TRIO: variants seen among roughly 807,000 people sequenced by gnomAD.
TRIO encodes trio Rho guanine nucleotide exchange factor.
Under a neutral mutation model 351.9 loss-of-function variants are expected in TRIO, and 58 were observed. The observed-to-expected ratio is 0.16, with a 90% CI of 0.13 to 0.21. The LOEUF is 0.21. Ranked by LOEUF, TRIO falls within the 10% of genes least tolerant of loss-of-function variation. The pLI is 1.00. For missense variants in TRIO, 3,201 were observed against 4,027.8 expected (o/e 0.79, Z 5.56); for synonymous variants, 1,758 against 1,595.7 (o/e 1.10, Z -2.42).
chr5:14,471,331 G>T lies in TRIO; in HGVS notation c.5777G>T (p.Arg1926Leu). Reference protein sequence around the residue: ...LVKSKMALEDRPSSLLVDQGD... With the variant: ...LVKSKMALEDLPSSLLVDQGD... ...AATTTCTTCCAGGCACTGGAGGATC[G>T]CCCCAGCTCACTCCTTGTTGACCAG... Residue 1926 changes from arginine to leucine, a missense_variant, in exon 38 of 57, where the codon CGC (arginine) becomes CTC (leucine). Arg to Leu is a moderately radical substitution (Grantham distance 102). This residue lies in a region of TRIO where 307 missense variants were observed against 396.5 expected (regional missense o/e 0.77). Coordinates refer to ENST00000344204, the MANE Select transcript of TRIO (RefSeq NM_007118.4). 6.2e-7 allele frequency: 1 copy of T among 1,613,792 alleles called. No homozygotes were observed. The highest frequency in any genetic ancestry group is 8.5e-7 in the Non-Finnish European group (1 of 1,179,830).
At chr5:14,282,468 C>G (rs910563894) in intron 3 of TRIO, among the ~76,000 whole-genome samples, 11 of 152,080 alleles carry the variant, frequency 7.2e-5, no homozygotes, top group Admixed American at 7.2e-4. Flanking sequence ...GCTTTTTGGT[C>G]TTGAAACCTA....
chr5:14,329,840 G>T (rs371371375), intron 9 of TRIO, among the ~76,000 whole-genome samples: 1 of 152,208 alleles, frequency 6.6e-6, no homozygotes, highest in Middle Eastern at 3.4e-3. Context: ...CTGCATGATC[G>T]CCCACATATA....
At chr5:14,438,550 T>C (rs952799843) in intron 34 of TRIO, among the ~76,000 whole-genome samples, 1 of 152,238 alleles carries the variant, frequency 6.6e-6, no homozygotes, top group Non-Finnish European at 1.5e-5. Context: ...GGCCATGGTT[T>C]TGAACCAGGG....
intron 28 of TRIO, among the ~76,000 whole-genome samples, chr5:14,395,535 C>T (rs1747486725): frequency 6.6e-6 from 1 of 152,174 alleles, no homozygotes; most frequent in South Asian, 2.1e-4. Flanking sequence ...TGCCAGTTGT[C>T]AGTTAGTAGG....
intron 9 of TRIO, among the ~76,000 whole-genome samples, chr5:14,328,651 C>T (rs1196229109): frequency 6.6e-6 from 1 of 152,192 alleles, no homozygotes; most frequent in Non-Finnish European, 1.5e-5. Flanking sequence ...TGGTTATAGG[C>T]GGGGATGCCA....
intron 48 of TRIO, among the ~76,000 whole-genome samples, chr5:14,491,312 T>A (rs1045185435): frequency 1.1e-4 from 17 of 152,296 alleles, no homozygotes; most frequent in Middle Eastern, 3.4e-3. Flanking sequence ...ACAAATTGCA[T>A]CTGCACTGAC....
intron 31 of TRIO, among the ~76,000 whole-genome samples, chr5:14,403,645 G>GGTT (rs1748397466): frequency 1.5e-5 from 2 of 133,972 alleles, no homozygotes; most frequent in African/African-American, 3.0e-5. Flanking sequence ...TGAGGGTGCA[G>GGTT]GTGGTGGTGA....
At chr5:14,366,746 C>A in intron 15 of TRIO, 114 bp from the exon 16 acceptor site, 1 of 1,493,506 alleles carries the variant, frequency 6.7e-7, no homozygotes, top group Non-Finnish European at 9.0e-7. Context: ...GCATCAGTGC[C>A]TCGTACCTGC....
chr5:14,485,521 CAG>C (rs567940831), intron 47 of TRIO, among the ~76,000 whole-genome samples: 17 of 152,324 alleles, frequency 1.1e-4, no homozygotes, highest in Admixed American at 7.8e-4. Context: ...AGTCAGGACA[CAG>C]AGTGGCCATC....
intron 1 of TRIO, among the ~76,000 whole-genome samples, chr5:14,146,725 C>G (rs1787544264): frequency 6.6e-6 from 1 of 152,220 alleles, no homozygotes; most frequent in Non-Finnish European, 1.5e-5. Flanking sequence ...GACCTTGGGG[C>G]TGTTCCCCTT....
At position 14,406,591 on chromosome 5, in the gene TRIO, C is replaced by A; in HGVS notation, c.4878C>A (p.Asp1626Glu). The change falls in exon 33 of 57, where the codon GAC becomes GAA. Residue 1626 changes from aspartate to glutamate, a missense_variant. Transcript: ENST00000344204. ...CCGCCAGGGATGGAGAGGATCTGGA[C>A]AGCCAAGGAGACGGCAGCAGCCAGC... ...QKGRRDGEDL[D>E]SQGDGSSQPD... 6 of 1,614,054 alleles carry A rather than the reference C, an allele frequency of 3.7e-6. No homozygotes were observed. The highest frequency in any genetic ancestry group is 5.1e-6 in the Non-Finnish European group (6 of 1,179,972).
At chr5:14,498,298 T>G in intron 52 of TRIO, 47 bp downstream of exon 52, 1 of 1,597,346 alleles carries the variant, frequency 6.3e-7, no homozygotes. Context: ...GGGAGCACCA[T>G]CTTGTCACTT....
intron 5 of TRIO, 111 bp downstream of exon 5, chr5:14,291,339 G>C (rs781619861): frequency 7.6e-5 from 89 of 1,167,712 alleles, no homozygotes; most frequent in Non-Finnish European, 9.8e-5. Flanking sequence ...TACTCACCGT[G>C]TGTGCTCTAA....
At chr5:14,228,644 C>G (rs999997422) in intron 1 of TRIO, among the ~76,000 whole-genome samples, 1 of 152,150 alleles carries the variant, frequency 6.6e-6, no homozygotes, top group Non-Finnish European at 1.5e-5. Context: ...ATCATTTTGA[C>G]TAAGTTTTTT....
chr5:14,317,487 G>A (rs961975424), intron 9 of TRIO, among the ~76,000 whole-genome samples: 3 of 152,156 alleles, frequency 2.0e-5, no homozygotes, highest in Non-Finnish European at 4.4e-5. Flanking sequence ...GAAGTTGGCT[G>A]GGAACCGCCG....
chr5:14,205,932 A>G (rs1355623256), intron 1 of TRIO, among the ~76,000 whole-genome samples: 1 of 152,146 alleles, frequency 6.6e-6, no homozygotes, highest in African/African-American at 2.4e-5. Flanking sequence ...GGGTTTCACC[A>G]TGTTGGCCAG....
At chr5:14,380,341 T>G (rs1253242300) in intron 20 of TRIO, among the ~76,000 whole-genome samples, 23 of 141,128 alleles carry the variant, frequency 1.6e-4, no homozygotes, top group African/African-American at 5.5e-4. Flanking sequence ...CCTCCTTCGC[T>G]CCTCGCTCCT....
chr5:14,368,924 G>A, intron 17 of TRIO, 25 bp downstream of exon 17: 1 of 1,601,682 alleles, frequency 6.2e-7, no homozygotes, highest in East Asian at 2.2e-5. Flanking sequence ...TCCCTTCCTT[G>A]AACTCCACTG....
intron 11 of TRIO, among the ~76,000 whole-genome samples, chr5:14,351,685 G>T (rs1388723490): frequency 6.6e-6 from 1 of 152,234 alleles, no homozygotes; most frequent in Non-Finnish European, 1.5e-5. Flanking sequence ...AGTGCTCCAA[G>T]AATTTCCCAA....
Sources: allele counts gnomAD v4.1 joint callset (sites outside exome capture counted in the v4.1 genomes callset), GRCh38; gene constraint gnomAD v4.1.1; regional missense constraint gnomAD v4.1.1; transcripts MANE v1.5; gene names NCBI Gene and HGNC (gene_info 2026-07-23, HGNC 2026-07-21).